NFIC: variants seen among roughly 807,000 people sequenced by gnomAD.
NFIC encodes the protein nuclear factor I C, also known as nuclear factor 1 C-type.
In NFIC, 12 loss-of-function variants were observed where a neutral mutation model predicts 54.4. The observed-to-expected ratio is 0.22, with a 90% CI of 0.14 to 0.36. NFIC has a LOEUF of 0.36. Among genes scored for constraint, NFIC ranks in the 10% least tolerant of loss-of-function variants. The probability of loss-of-function intolerance (pLI) is 1.00; values close to 1 mark genes in which losing one functional copy is unlikely to be tolerated. For synonymous variants in NFIC, 322 were observed against 319.2 expected (o/e 1.01, Z -0.09); for missense variants, 575 against 718.2 (o/e 0.80, Z 2.28).
At chr19:3,402,423 C>T (rs1356591074) in intron 2 of NFIC, among the ~76,000 whole-genome samples, 1 of 152,202 alleles carries the variant, frequency 6.6e-6, no homozygotes, top group Non-Finnish European at 1.5e-5. Context: ...TTTCTCTCTG[C>T]TCATCCCTCC....
chr19:3,405,959 C>T (rs1258611575), intron 2 of NFIC, among the ~76,000 whole-genome samples: 1 of 151,740 alleles, frequency 6.6e-6, no homozygotes, highest in Non-Finnish European at 1.5e-5. Context: ...CCTGCTCTGT[C>T]ACCCAGGCTG....
intron 2 of NFIC, among the ~76,000 whole-genome samples, chr19:3,398,895 C>T (rs765785720): frequency 2.0e-4 from 30 of 152,224 alleles, no homozygotes; most frequent in Non-Finnish European, 3.1e-4. Flanking sequence ...AATTCATAGG[C>T]GAGCTGCGGA....
At chr19:3,402,068 C>A (rs1053617267) in intron 2 of NFIC, among the ~76,000 whole-genome samples, 2 of 151,526 alleles carry the variant, frequency 1.3e-5, no homozygotes, top group Non-Finnish European at 2.9e-5. Flanking sequence ...TTTTTTGAGA[C>A]GAAGTCTCAC....
intron 6 of NFIC, among the ~76,000 whole-genome samples, chr19:3,437,514 T>C (rs1599688886): frequency 1.3e-5 from 2 of 152,230 alleles, no homozygotes; most frequent in East Asian, 3.9e-4. Flanking sequence ...GGGACCTGTC[T>C]CAGTATTTAT....
chr19:3,389,083 G>T (rs2081341504), intron 2 of NFIC, among the ~76,000 whole-genome samples: 1 of 152,148 alleles, frequency 6.6e-6, no homozygotes, highest in East Asian at 1.9e-4. Flanking sequence ...AGGTTATCTA[G>T]TGGAAGCCAC....
intron 1 of NFIC, among the ~76,000 whole-genome samples, chr19:3,361,491 T>TCCCCC (rs2080811296): frequency 6.8e-6 from 1 of 146,762 alleles, no homozygotes. Flanking sequence ...CCCGCCGCTC[T>TCCCCC]CCACCCCCAC....
intron 3 of NFIC, among the ~76,000 whole-genome samples, chr19:3,430,612 G>A (rs1241662635): frequency 1.3e-5 from 2 of 151,812 alleles, no homozygotes; most frequent in Non-Finnish European, 2.9e-5. Flanking sequence ...TGGTGCCCAC[G>A]CATCCCCTTC....
At chr19:3,384,119 A>G (rs1198760078) in intron 2 of NFIC, among the ~76,000 whole-genome samples, 2 of 150,230 alleles carry the variant, frequency 1.3e-5, no homozygotes, top group South Asian at 2.1e-4. Context: ...CAGTGGTGCA[A>G]TCTCGGCTCA....
chr19:3,385,778 G>A (rs1236131800), intron 2 of NFIC, among the ~76,000 whole-genome samples: 1 of 151,838 alleles, frequency 6.6e-6, no homozygotes, highest in African/African-American at 2.4e-5. Context: ...TTGCATGTTG[G>A]CCAGGCTGGT....
At chr19:3,371,388 G>C (rs1038274581) in intron 1 of NFIC, 1 of 149,672 alleles carries the variant, frequency 6.7e-6, no homozygotes, top group Admixed American at 6.7e-5. Context: ...GCAGCGGTGC[G>C]ATCTTGGCTC....
At chr19:3,421,449 G>A (rs542906526) in intron 2 of NFIC, among the ~76,000 whole-genome samples, 31 of 152,376 alleles carry the variant, frequency 2.0e-4, no homozygotes, top group African/African-American at 5.8e-4. Context: ...CCGAGGGGCC[G>A]CTGGCAGCCC....
chr19:3,452,026 A>G lies in NFIC; in HGVS notation c.1085-456A>G, dbSNP rs911281454. ...CAGCTACTCGGGAGGCTGAGGCAGAATTGCTTGAACCCAGGAGGTGGAGGT... is the reference window on the plus strand; with the variant it reads ...CAGCTACTCGGGAGGCTGAGGCAGAGTTGCTTGAACCCAGGAGGTGGAGGT... On this transcript the variant is annotated intron_variant, in intron 7 of 10. Coordinates refer to ENST00000443272, the MANE Select transcript of NFIC (RefSeq NM_001245002.2). The surrounding 1 kb of genome is among the most constrained non-coding windows in gnomAD (Gnocchi z 5.3). Among the ~76,000 whole-genome samples the G allele has an allele frequency of 1.3e-5, 2 of 148,552 alleles. No individual in the cohort carries two copies. Among genetic ancestry groups the G allele is most frequent in the Admixed American group, 1.4e-4 (2 of 14,704 alleles).
At chr19:3,430,624 T>G (rs2082104531) in intron 3 of NFIC, among the ~76,000 whole-genome samples, 1 of 152,018 alleles carries the variant, frequency 6.6e-6, no homozygotes, top group South Asian at 2.1e-4. Context: ...ATCCCCTTCT[T>G]GTCTCTGTGG....
At chr19:3,389,381 G>C (rs1402143060) in intron 2 of NFIC, among the ~76,000 whole-genome samples, 3 of 152,204 alleles carry the variant, frequency 2.0e-5, no homozygotes, top group African/African-American at 7.2e-5. Flanking sequence ...GGGCGGCCTT[G>C]TGGGCCACAG....
At chr19:3,434,517 G>A (rs2082168227) in intron 5 of NFIC, 117 bp downstream of exon 5, 7 of 1,413,920 alleles carry the variant, frequency 5.0e-6, no homozygotes, top group Non-Finnish European at 6.6e-6. Flanking sequence ...GATTCACCTG[G>A]CCTGAGAAAC....
chr19:3,394,543 A>T (rs1025406602), intron 2 of NFIC, among the ~76,000 whole-genome samples: 4 of 64,232 alleles, frequency 6.2e-5, no homozygotes, highest in Non-Finnish European at 1.1e-4. Context: ...CGCTTACACT[A>T]AGTCTGAAAT....
intron 2 of NFIC, among the ~76,000 whole-genome samples, chr19:3,416,248 AT>A (rs780868465): frequency 8.0e-5 from 12 of 150,416 alleles, no homozygotes; most frequent in Non-Finnish European, 1.5e-4. Context: ...CTCCTGTGAA[AT>A]TTTAATAGCA....
intron 6 of NFIC, among the ~76,000 whole-genome samples, chr19:3,445,373 G>A (rs962332391): frequency 6.6e-6 from 1 of 152,222 alleles, no homozygotes; most frequent in African/African-American, 2.4e-5. Flanking sequence ...GCATCCCACT[G>A]GGCAGTGGGG....
At chr19:3,443,245 AACCCTGTCTCTACAAAAAAAT>A (rs1187178662) in intron 6 of NFIC, among the ~76,000 whole-genome samples, 3 of 151,988 alleles carry the variant, frequency 2.0e-5, no homozygotes, top group Non-Finnish European at 4.4e-5. Flanking sequence ...AACATAGGGA[AACCCTGTCTCTACAAAAAAAT>A]ACCAAATTAG....
Sources: gnomAD v4.1 joint callset for allele counts (sites outside exome capture counted in the v4.1 genomes callset) on GRCh38, gnomAD v4.1.1 for gene constraint, Gnocchi (gnomAD v3.1) non-coding constraint, MANE v1.5 for transcripts, NCBI Gene and HGNC (gene_info 2026-07-23, HGNC 2026-07-21) for gene names.